SGCZ: variants seen among roughly 807,000 people sequenced by gnomAD.
SGCZ encodes the protein zeta-sarcoglycan.
In SGCZ, 40 loss-of-function variants were observed where a neutral mutation model predicts 41.3. That is an observed-to-expected ratio of 0.97 (90% CI 0.75 to 1.26). The LOEUF is 1.26. Ranked by LOEUF, SGCZ falls within the 50% of genes most tolerant of loss-of-function variation. The probability of loss-of-function intolerance (pLI) is 0.00; values close to 1 mark genes in which losing one functional copy is unlikely to be tolerated. For missense variants in SGCZ, 552 were observed against 369.8 expected, an observed-to-expected ratio of 1.49 and a Z score of -4.04; for synonymous variants, 206 against 137.5, an observed-to-expected ratio of 1.50 and a Z score of -3.49.
At chr8:14,958,317 A>T (rs766420122) in intron 1 of SGCZ, among the ~76,000 whole-genome samples, 8 of 152,108 alleles carry the variant, frequency 5.3e-5, no homozygotes, top group Non-Finnish European at 1.2e-4. Flanking sequence ...CTTTATTCAA[A>T]ATTCCCCAAA....
chr8:15,012,566 T>TAAATATATATTTATATAACATAA (rs1802866986), intron 1 of SGCZ, among the ~76,000 whole-genome samples: 1 of 119,204 alleles, frequency 8.4e-6, no homozygotes, highest in African/African-American at 2.7e-5. Context: ...ATATAACATA[T>TAAATATATATTTATATAACATAA]AAATATATAT....
intron 4 of SGCZ, among the ~76,000 whole-genome samples, chr8:14,178,638 G>T (rs186378512): frequency 1.5e-4 from 23 of 152,296 alleles, no homozygotes; most frequent in African/African-American, 5.5e-4. Flanking sequence ...CAGCAAAGAT[G>T]CCCATGTGTT....
intron 2 of SGCZ, among the ~76,000 whole-genome samples, chr8:14,419,760 T>A (rs1315941845): frequency 6.6e-6 from 1 of 151,988 alleles, no homozygotes; most frequent in Non-Finnish European, 1.5e-5. Flanking sequence ...CCAATTTCCA[T>A]GTCTGTTAAA....
chr8:15,049,921 T>C (rs919722839), intron 1 of SGCZ, among the ~76,000 whole-genome samples: 7 of 152,268 alleles, frequency 4.6e-5, no homozygotes, highest in Admixed American at 3.3e-4. Flanking sequence ...TCTGCCATGA[T>C]TGTGAGTCCT....
intron 2 of SGCZ, among the ~76,000 whole-genome samples, chr8:14,498,760 C>T (rs1026815222): frequency 1.3e-5 from 2 of 151,508 alleles, no homozygotes; most frequent in Non-Finnish European, 2.9e-5. Context: ...TATATTAATC[C>T]CTGTGGCTAA....
At chr8:15,175,938 G>T (rs924862236) in intron 1 of SGCZ, among the ~76,000 whole-genome samples, 4 of 152,078 alleles carry the variant, frequency 2.6e-5, no homozygotes, top group African/African-American at 9.7e-5. Context: ...TAAATTCAGG[G>T]TAAAAATGGA....
chr8:14,389,521 C>G (rs992588771), intron 2 of SGCZ, among the ~76,000 whole-genome samples: 2 of 146,862 alleles, frequency 1.4e-5, no homozygotes, highest in Admixed American at 1.4e-4. Flanking sequence ...TAATCACAAA[C>G]AAAAGACTTT....
At chr8:14,658,053 A>G (rs957877035) in intron 1 of SGCZ, among the ~76,000 whole-genome samples, 16 of 152,182 alleles carry the variant, frequency 1.1e-4, no homozygotes, top group Admixed American at 2.0e-4. Flanking sequence ...AAATGCAGTT[A>G]TAAATGATGG....
rs114991246 is a variant in SGCZ, at chr8:14,509,509, T to G, written c.234+45223A>C. Among the ~76,000 whole-genome samples, 1,434 of 152,260 alleles carry G rather than the reference T, an allele frequency of 9.4e-3. 27 individuals are homozygous for G. The highest frequency in any genetic ancestry group is 0.032 in the African/African-American group (1,330 of 41,562). The stretch of plus-strand genomic sequence containing the variant: ...ATTAACTGATTAATCTGCTGAAGAA[T>G]CATTACTTTGCACTGCTACACACAA... On this transcript the variant is annotated intron_variant, in intron 2 of 7. Coordinates refer to ENST00000382080, the MANE Select transcript of SGCZ (RefSeq NM_139167.4).
chr8:14,514,712 T>G (rs2117084078), intron 2 of SGCZ, among the ~76,000 whole-genome samples: 1 of 148,938 alleles, frequency 6.7e-6, no homozygotes, highest in South Asian at 2.1e-4. Flanking sequence ...TACACACATT[T>G]ACATATATAA....
chr8:15,166,047 T>C (rs990425036), intron 1 of SGCZ, among the ~76,000 whole-genome samples: 1 of 152,186 alleles, frequency 6.6e-6, no homozygotes, highest in African/African-American at 2.4e-5. Flanking sequence ...TTTCATAATA[T>C]CGAGTGTTTT....
chr8:14,591,696 T>C (rs994288682), intron 1 of SGCZ, among the ~76,000 whole-genome samples: 1 of 152,148 alleles, frequency 6.6e-6, no homozygotes, highest in African/African-American at 2.4e-5. Context: ...AAGTTTTAAC[T>C]CAAAATATAA....
At chr8:14,808,435 C>A (rs1801624527) in intron 1 of SGCZ, among the ~76,000 whole-genome samples, 1 of 152,162 alleles carries the variant, frequency 6.6e-6, no homozygotes, top group Admixed American at 6.5e-5. Flanking sequence ...CGTGAACAGA[C>A]ACTTCTCAAA....
intron 1 of SGCZ, among the ~76,000 whole-genome samples, chr8:15,054,629 A>T (rs1804637763): frequency 1.3e-5 from 2 of 152,124 alleles, no homozygotes; most frequent in African/African-American, 4.8e-5. Flanking sequence ...CTAGGTATGT[A>T]ACCTTTGAAA....
intron 1 of SGCZ, among the ~76,000 whole-genome samples, chr8:14,591,140 TTC>T (rs2117284887): frequency 6.6e-6 from 1 of 151,862 alleles, no homozygotes; most frequent in African/African-American, 2.4e-5. Context: ...GTCTTTTATT[TTC>T]TCTCTTCATA....
chr8:14,242,009 T>C (rs1429780453), intron 3 of SGCZ, among the ~76,000 whole-genome samples: 2 of 152,196 alleles, frequency 1.3e-5, no homozygotes, highest in Non-Finnish European at 2.9e-5. Context: ...AACCACTGGA[T>C]ACAAAAGAGA....
intron 1 of SGCZ, among the ~76,000 whole-genome samples, chr8:14,858,678 T>C: frequency 6.6e-6 from 1 of 152,168 alleles, no homozygotes; most frequent in Non-Finnish European, 1.5e-5. Context: ...GGTTTGTCTA[T>C]TTAGTGGAAT....
chr8:14,458,848 C>A (rs1440524038), intron 2 of SGCZ, among the ~76,000 whole-genome samples: 1 of 152,106 alleles, frequency 6.6e-6, no homozygotes, highest in Non-Finnish European at 1.5e-5. Flanking sequence ...TCAAAACAAA[C>A]AAACAAACAA....
intron 1 of SGCZ, among the ~76,000 whole-genome samples, chr8:14,821,012 C>A (rs563910214): frequency 6.7e-6 from 1 of 149,632 alleles, no homozygotes; most frequent in Admixed American, 6.7e-5. Flanking sequence ...AATAGCGATT[C>A]AAAAAATGAA....
Sources: gnomAD v4.1 joint callset for allele counts (sites outside exome capture counted in the v4.1 genomes callset) on GRCh38, gnomAD v4.1.1 for gene constraint, MANE v1.5 for transcripts, NCBI Gene and HGNC (gene_info 2026-07-23, HGNC 2026-07-21) for gene names.